The following EDAR variants were observed in gnomAD, a reference collection of about 807,000 sequenced individuals.
EDAR encodes tumor necrosis factor receptor superfamily member EDAR.
In EDAR, 38 loss-of-function variants were observed where a neutral mutation model predicts 51.3. That is an observed-to-expected ratio of 0.74 (90% confidence interval 0.57 to 0.97). The LOEUF is 0.97. Ranked by LOEUF, EDAR falls within the 50% of genes least tolerant of loss-of-function variation. The pLI is 0.00. For missense variants in EDAR, 528 were observed against 595.0 expected, an observed-to-expected ratio of 0.89 and a Z score of 1.17; for synonymous variants, 227 against 242.1, an observed-to-expected ratio of 0.94 and a Z score of 0.58.
chr2:108,931,226 C>A (rs1326960257), intron 1 of EDAR, among the ~76,000 whole-genome samples, 194 bp from the exon 2 acceptor site: 1 of 152,278 alleles, frequency 6.6e-6, no homozygotes, highest in African/African-American at 2.4e-5. Context: ...GCCTTCCCAG[C>A]CTCGCAGCCA....
intron 5 of EDAR, among the ~76,000 whole-genome samples, chr2:108,918,758 C>G (rs977654491): frequency 1.3e-5 from 2 of 152,136 alleles, no homozygotes; most frequent in Non-Finnish European, 2.9e-5. Context: ...ATATGGGGGT[C>G]TTTGAGGTCT....
chr2:108,897,259 T>C (rs1384275812), intron 11 of EDAR, 30 bp from the exon 12 acceptor site: 1 of 1,595,750 alleles, frequency 6.3e-7, no homozygotes, highest in African/African-American at 1.3e-5. Context: ...CAGTTAGATG[T>C]TGCAAGTCAC....
Position 108,982,952 on chromosome 2 carries a change from T to C in EDAR, c.-19+6008A>G, listed in dbSNP as rs190086800. ...TGGTCTCTCTCTCTCCAAATCTCTCTAAGAATGAGCTAAAATTCAAAAAGA... is the reference window on the plus strand; with the variant it reads ...TGGTCTCTCTCTCTCCAAATCTCTCCAAGAATGAGCTAAAATTCAAAAAGA... On this transcript the variant is annotated intron_variant, in intron 1 of 11. Transcript: ENST00000258443. 5.3e-5 allele frequency among the ~76,000 whole-genome samples: 8 copies of C among 152,312 alleles called. No homozygotes were observed. In the East Asian group the frequency reaches 1.5e-3, roughly 29 times the overall value.
At chr2:108,927,572 A>T (rs1697280542) in intron 4 of EDAR, among the ~76,000 whole-genome samples, 1 of 152,210 alleles carries the variant, frequency 6.6e-6, no homozygotes, top group African/African-American at 2.4e-5. Context: ...GGCCAGAGCC[A>T]GCAGCATAGG....
intron 1 of EDAR, among the ~76,000 whole-genome samples, chr2:108,950,384 G>A (rs2104365045): frequency 6.6e-6 from 1 of 152,128 alleles, no homozygotes; most frequent in African/African-American, 2.4e-5. Flanking sequence ...AAGAGTAGCT[G>A]GGAGTACAGG....
At chr2:108,974,613 C>T (rs1698291086) in intron 1 of EDAR, among the ~76,000 whole-genome samples, 1 of 151,872 alleles carries the variant, frequency 6.6e-6, no homozygotes, top group Admixed American at 6.6e-5. Flanking sequence ...GCCTGTAATC[C>T]CAGCTACTTG....
At chr2:108,977,646 C>T (rs1307916902) in intron 1 of EDAR, among the ~76,000 whole-genome samples, 12 of 152,054 alleles carry the variant, frequency 7.9e-5, no homozygotes, top group African/African-American at 2.7e-4. Flanking sequence ...GACATCTGGA[C>T]GTCCTCCCTC....
At chr2:108,935,051 C>T (rs1697440440) in intron 1 of EDAR, among the ~76,000 whole-genome samples, 1 of 152,212 alleles carries the variant, frequency 6.6e-6, no homozygotes, top group Admixed American at 6.5e-5. Context: ...TACCTAGTGC[C>T]TGTAGGCATT....
intron 11 of EDAR, among the ~76,000 whole-genome samples, chr2:108,899,000 T>A (rs1696653192): frequency 6.6e-6 from 1 of 152,116 alleles, no homozygotes; most frequent in Non-Finnish European, 1.5e-5. Flanking sequence ...TGGGACTAAA[T>A]AAATACTCAA....
chr2:108,903,418 C>A (rs546518193), intron 11 of EDAR, among the ~76,000 whole-genome samples: 1 of 151,658 alleles, frequency 6.6e-6, no homozygotes, highest in East Asian at 1.9e-4. Flanking sequence ...GGCAAAGGAA[C>A]TAGAATAGCT....
At chr2:108,926,126 G>A (rs1009462753) in intron 4 of EDAR, among the ~76,000 whole-genome samples, 4 of 152,126 alleles carry the variant, frequency 2.6e-5, no homozygotes, top group Non-Finnish European at 5.9e-5. Flanking sequence ...TCTCATCCTG[G>A]GCTGCACAGC....
rs374221579 is a variant in EDAR, at chr2:108,973,394, G to A, written c.-19+15566C>T. Among the ~76,000 whole-genome samples the A allele has an allele frequency of 4.2e-3, 642 of 152,290 alleles. 1 individual carries two copies. The highest frequency in any genetic ancestry group is 0.014 in the African/African-American group (588 of 41,538). On this transcript the variant is annotated intron_variant, in intron 1 of 11. Coordinates refer to ENST00000258443, the MANE Select transcript of EDAR (RefSeq NM_022336.4). ...GGAGGGCGGTGCAGAGAGAGTGTCC[G>A]CCATCAGCCCCTGAGACCTGGGAGG...
At chr2:108,953,263 A>G (rs768168976) in intron 1 of EDAR, among the ~76,000 whole-genome samples, 10 of 152,198 alleles carry the variant, frequency 6.6e-5, no homozygotes, top group Non-Finnish European at 1.0e-4. Context: ...GCTGTCCACA[A>G]CAGGTGTTCT....
chr2:108,928,424 C>G (rs1374857405), intron 4 of EDAR, among the ~76,000 whole-genome samples: 7 of 152,172 alleles, frequency 4.6e-5, no homozygotes, highest in Non-Finnish European at 1.0e-4. Flanking sequence ...GTCACCTCCC[C>G]CGTCCCCACT....
At position 108,982,737 on chromosome 2, in the gene EDAR, G is replaced by T. The variant is rs1318869900; in HGVS notation, c.-19+6223C>A. The stretch of plus-strand genomic sequence containing the variant: ...AGAAAGTTTGGTCTCCTGGTTTTTA[G>T]AATTGACTCAAAACCGAGTGTCCCG... On this transcript the variant is annotated intron_variant, in intron 1 of 11. Transcript: ENST00000258443. 2.6e-5 allele frequency among the ~76,000 whole-genome samples: 4 copies of T among 152,160 alleles called. No homozygotes were observed. The East Asian group carries it at 7.7e-4, about 29-fold the overall frequency.
chr2:108,960,362 T>C (rs771492476), intron 1 of EDAR, among the ~76,000 whole-genome samples: 43 of 152,352 alleles, frequency 2.8e-4, no homozygotes, highest in Admixed American at 5.9e-4. Flanking sequence ...GGGTGGTCTA[T>C]GTTCTCAAGA....
At chr2:108,920,348 C>G (rs996391116) in intron 5 of EDAR, among the ~76,000 whole-genome samples, 5 of 152,204 alleles carry the variant, frequency 3.3e-5, no homozygotes, top group African/African-American at 4.8e-5. Context: ...ATGCTGGACC[C>G]TATCTTCCTC....
rs1009120295 is a variant in EDAR at position 108,937,388 on chromosome 2, G to A, written c.-18-6356C>T. ...TATGGGTGTGAGTGTGTGCATACACGTGAGTGTATGTGTATCTGTGAGCAC... is the reference window on the plus strand; with the variant it reads ...TATGGGTGTGAGTGTGTGCATACACATGAGTGTATGTGTATCTGTGAGCAC... On this transcript the variant is annotated intron_variant, in intron 1 of 11. Transcript: ENST00000258443. Among the ~76,000 whole-genome samples, 16 of 152,320 alleles carry A rather than the reference G, an allele frequency of 1.1e-4. 1 individual carries two copies. The South Asian group carries it at 3.3e-3, about 32-fold the overall frequency.
intron 6 of EDAR, among the ~76,000 whole-genome samples, chr2:108,911,537 T>C (rs1223564507): frequency 2.0e-5 from 3 of 152,200 alleles, no homozygotes; most frequent in African/African-American, 4.8e-5. Flanking sequence ...CTAAGTGTCA[T>C]TGTAAGAGCC....
Sources: allele counts gnomAD v4.1 joint callset (sites outside exome capture counted in the v4.1 genomes callset), GRCh38; gene constraint gnomAD v4.1.1; transcripts MANE v1.5; gene names NCBI Gene and HGNC (gene_info 2026-07-23, HGNC 2026-07-21).